DLGAP2: variants seen among roughly 807,000 people sequenced by gnomAD.
DLGAP2 encodes disks large-associated protein 2.
Under a neutral mutation model 100.3 loss-of-function variants are expected in DLGAP2, and 26 were observed. The observed-to-expected ratio is 0.26, with a 90% CI of 0.19 to 0.36. DLGAP2 has a LOEUF of 0.36. Among genes scored for constraint, DLGAP2 ranks in the 10% least tolerant of loss-of-function variants. The pLI is 1.00. For missense variants in DLGAP2, 1,858 were observed against 1,453.2 expected (o/e 1.28, Z -4.53); for synonymous variants, 886 against 630.1 (o/e 1.41, Z -6.08).
intron 11 of DLGAP2, among the ~76,000 whole-genome samples, chr8:1,677,556 G>C (rs1798839275): frequency 6.6e-6 from 1 of 152,140 alleles, no homozygotes; most frequent in Admixed American, 6.5e-5. Flanking sequence ...ACGATACAGA[G>C]CATACCCACG....
intron 2 of DLGAP2, among the ~76,000 whole-genome samples, chr8:1,172,985 C>T (rs933211720): frequency 5.9e-5 from 9 of 152,120 alleles, no homozygotes; most frequent in African/African-American, 1.2e-4. Context: ...ATTTTTTCTG[C>T]TCTGTTTTTT....
chr8:1,039,964 G>A (rs1189230134), intron 2 of DLGAP2, among the ~76,000 whole-genome samples: 4 of 140,220 alleles, frequency 2.9e-5, no homozygotes, highest in Non-Finnish European at 6.1e-5. Flanking sequence ...TCAGCTCGGT[G>A]TGCGTGGTCG....
intron 1 of DLGAP2, among the ~76,000 whole-genome samples, chr8:882,229 C>A (rs1486220457): frequency 7.4e-6 from 1 of 135,338 alleles, no homozygotes; most frequent in East Asian, 1.9e-4. Context: ...TTAGTTAGCA[C>A]ATCATCAGAG....
chr8:1,458,865 G>C (rs1798392979), intron 3 of DLGAP2, among the ~76,000 whole-genome samples: 1 of 152,220 alleles, frequency 6.6e-6, no homozygotes, highest in African/African-American at 2.4e-5. Context: ...GCGTCCCCAT[G>C]ATATGGGGCT....
intron 3 of DLGAP2, among the ~76,000 whole-genome samples, chr8:1,324,918 G>T (rs1399537914): frequency 3.3e-5 from 5 of 152,136 alleles, no homozygotes; most frequent in African/African-American, 1.2e-4. Flanking sequence ...CTTCCAGATC[G>T]TGCTGACCTG....
At chr8:1,039,564 T>TGGTGTGCGTGGTCAGCTC (rs1563158745) in intron 2 of DLGAP2, among the ~76,000 whole-genome samples, 1 of 37,894 alleles carries the variant, frequency 2.6e-5, no homozygotes, top group African/African-American at 1.3e-4. Flanking sequence ...GTGGTCAGCT[T>TGGTGTGCGTGGTCAGCTC]GGTGTGCGTG....
Position 1,547,993 on chromosome 8 carries a change from C to T in DLGAP2, c.173-633C>T, listed in dbSNP as rs149083036. Among the ~76,000 whole-genome samples the T allele has an allele frequency of 1.9e-3, 290 of 152,362 alleles. 2 individuals are homozygous for T. Among genetic ancestry groups the T allele is most frequent in the African/African-American group, 6.5e-3 (271 of 41,582 alleles). ...AAACTTCTTAAGCTGTACGACAAAA[C>T]TGAAATCTATGTGAAATACAACTAT... On this transcript the variant is annotated intron_variant, in intron 4 of 14. Transcript: ENST00000637795.
At chr8:1,688,612 T>C (rs764521367) in intron 12 of DLGAP2, among the ~76,000 whole-genome samples, 2 of 152,202 alleles carry the variant, frequency 1.3e-5, no homozygotes, top group African/African-American at 4.8e-5. Context: ...CTGTGGGTTA[T>C]ACTCTTCTTT....
At chr8:1,226,997 C>T (rs928480724) in intron 2 of DLGAP2, among the ~76,000 whole-genome samples, 1 of 150,976 alleles carries the variant, frequency 6.6e-6, no homozygotes, top group Non-Finnish European at 1.5e-5. Context: ...ACCCTGCAAC[C>T]TGTCTTCTGA....
intron 3 of DLGAP2, among the ~76,000 whole-genome samples, chr8:1,319,052 G>A (rs1029489233): frequency 6.7e-6 from 1 of 149,732 alleles, no homozygotes; most frequent in East Asian, 2.0e-4. Flanking sequence ...TGGGCTCCCT[G>A]TTGCTCGTTG....
At chr8:1,205,804 T>G (rs936074319) in intron 2 of DLGAP2, among the ~76,000 whole-genome samples, 1 of 152,180 alleles carries the variant, frequency 6.6e-6, no homozygotes, top group Non-Finnish European at 1.5e-5. Flanking sequence ...CTAGGAGGAC[T>G]TCAGTCCGCC....
At position 1,228,005 on chromosome 8, in the gene DLGAP2, A is replaced by T. The variant is rs564734600; in HGVS notation, c.74-30846A>T. On this transcript the variant is annotated intron_variant, in intron 2 of 14. Coordinates refer to ENST00000637795, the MANE Select transcript of DLGAP2 (RefSeq NM_001346810.2). Reference sequence around the variant, plus strand: ...TTACTATTTATATGCATGTTATGACATGTTATATACCTTAAATATACACAA... The same window carrying T: ...TTACTATTTATATGCATGTTATGACTTGTTATATACCTTAAATATACACAA... 1.1e-4 allele frequency among the ~76,000 whole-genome samples: 17 copies of T among 152,008 alleles called. No individual in the cohort carries two copies. In the South Asian group the frequency reaches 1.7e-3, roughly 15 times the overall value.
Position 1,336,680 on chromosome 8 carries a change from G to C in DLGAP2, c.106+77797G>C, listed in dbSNP as rs543896307. 3.9e-5 allele frequency among the ~76,000 whole-genome samples: 6 copies of C among 152,282 alleles called. No homozygotes were observed. In the East Asian group the frequency reaches 1.2e-3, roughly 29 times the overall value. On this transcript the variant is annotated intron_variant, in intron 3 of 14. Coordinates refer to ENST00000637795, the MANE Select transcript of DLGAP2 (RefSeq NM_001346810.2). ...TGGGGCCCCTCAAGGAACGTGTCTT[G>C]CTTCTGTTGAGCCACTCTTTTCTCA... is the stretch of plus-strand genomic sequence containing the variant.
At chr8:849,909 C>G (rs1439946546) in intron 1 of DLGAP2, among the ~76,000 whole-genome samples, 1 of 152,080 alleles carries the variant, frequency 6.6e-6, no homozygotes. Flanking sequence ...ACTAAAAATA[C>G]AAACATTAGC....
intron 3 of DLGAP2, among the ~76,000 whole-genome samples, chr8:1,384,580 AC>A (rs1796173008): frequency 7.3e-6 from 1 of 136,936 alleles, no homozygotes; most frequent in African/African-American, 2.8e-5. Flanking sequence ...GTGCACAGTT[AC>A]CCCGGCCTGT....
At chr8:1,379,127 A>T (rs1796031413) in intron 3 of DLGAP2, among the ~76,000 whole-genome samples, 1 of 152,278 alleles carries the variant, frequency 6.6e-6, no homozygotes, top group African/African-American at 2.4e-5. Context: ...GTGAGGAGAC[A>T]AGGCCAGTTC....
Position 1,549,561 on chromosome 8 carries a change from T to G in DLGAP2, c.1108T>G (p.Ser370Ala), listed in dbSNP as rs1293150630. The G allele has an allele frequency of 5.0e-6, 8 of 1,613,022 alleles. No homozygotes were observed. The highest frequency in any genetic ancestry group is 4.0e-5 in the African/African-American group (3 of 75,012). The change falls in exon 5 of 15, where the codon TCC becomes GCC. Residue 370 changes from serine (S) to alanine (A), a missense_variant. Ser to Ala is a moderately conservative substitution (Grantham distance 99). Coordinates refer to ENST00000637795, the MANE Select transcript of DLGAP2 (RefSeq NM_001346810.2). The stretch of plus-strand genomic sequence containing the variant: ...CGACGCCAAGTACCTGAAGCGCAGC[T>G]CCTGGTCTACGCTGACGGTCAGCCA... ...TPDAKYLKRSSWSTLTVSQAK... is the reference protein window; with the variant it reads ...TPDAKYLKRSAWSTLTVSQAK...
chr8:1,382,825 A>G (rs928647855), intron 3 of DLGAP2, among the ~76,000 whole-genome samples: 3 of 152,218 alleles, frequency 2.0e-5, no homozygotes, highest in African/African-American at 7.2e-5. Flanking sequence ...GCTTCATCAA[A>G]GAGGACTGGT....
intron 8 of DLGAP2, among the ~76,000 whole-genome samples, chr8:1,650,496 G>A (rs1318301911): frequency 3.3e-5 from 5 of 152,188 alleles, no homozygotes; most frequent in Admixed American, 6.5e-5. Flanking sequence ...GCGATAAAAC[G>A]GAGGTTTTAT....
Sources: gnomAD v4.1 joint callset for allele counts (sites outside exome capture counted in the v4.1 genomes callset) on GRCh38, gnomAD v4.1.1 for gene constraint, MANE v1.5 for transcripts, NCBI Gene and HGNC (gene_info 2026-07-23, HGNC 2026-07-21) for gene names.